Variants in LAMA2 observed in about 807,000 individuals in gnomAD.
LAMA2 encodes laminin subunit alpha-2.
LAMA2 carries 269 observed loss-of-function variants against 364.8 expected under a neutral mutation model. The observed-to-expected ratio is 0.74, with a 90% CI of 0.67 to 0.82. The LOEUF is 0.82. Ranked by LOEUF, LAMA2 falls within the 40% of genes least tolerant of loss-of-function variation. The probability of loss-of-function intolerance (pLI) is 0.00; values close to 1 mark genes in which losing one functional copy is unlikely to be tolerated. For synonymous variants in LAMA2, 1,379 were observed against 1,370.6 expected, an observed-to-expected ratio of 1.01 and a Z score of -0.14; for missense variants, 3,807 against 3,873.2, an observed-to-expected ratio of 0.98 and a Z score of 0.45.
chr6:128,964,549 T>C (rs1404399157), intron 1 of LAMA2, among the ~76,000 whole-genome samples: 1 of 152,086 alleles, frequency 6.6e-6, no homozygotes, highest in African/African-American at 2.4e-5. Context: ...TACTTTCAAA[T>C]GTCAGCACAC....
In LAMA2 at chr6:129,438,713, C is replaced by T. The variant is rs369582534; in HGVS notation, c.6036C>T (p.Leu2012=). Residue 2012 remains leucine (L), a synonymous_variant, in exon 42 of 65, where the codon CTC becomes CTT. Coordinates refer to ENST00000421865, the MANE Select transcript of LAMA2 (RefSeq NM_000426.4). ...ATGCTGATGCTAGAAATGGGGATCTCTTGAGAACTTTGAATGACACTTTGG... is the reference window on the plus strand; with the variant it reads ...ATGCTGATGCTAGAAATGGGGATCTTTTGAGAACTTTGAATGACACTTTGG... ...IENADARNGD[L]LRTLNDTLGK... 6.2e-6 allele frequency: 10 copies of T among 1,609,244 alleles called. No individual in the cohort carries two copies. The highest frequency in any genetic ancestry group is 8.5e-6 in the Non-Finnish European group (10 of 1,175,990).
intron 40 of LAMA2, among the ~76,000 whole-genome samples, chr6:129,424,732 C>T (rs774160802): frequency 9.2e-5 from 14 of 152,004 alleles, no homozygotes; most frequent in Admixed American, 2.0e-4. Context: ...GATGTAGGCA[C>T]ATGCAGCTCT....
intron 12 of LAMA2, among the ~76,000 whole-genome samples, chr6:129,233,890 C>T (rs1466224183): frequency 1.3e-5 from 2 of 152,154 alleles, no homozygotes; most frequent in Non-Finnish European, 2.9e-5. Flanking sequence ...TGAAACTCCG[C>T]TCCAGTAGAG....
rs1784339509 is a variant in LAMA2, at chr6:129,481,389, A to T, written c.7699A>T (p.Ser2567Cys). The change falls in exon 55 of 65, where the codon AGT becomes TGT. Residue 2567 changes from serine (S) to cysteine (C), a missense_variant. Coordinates refer to ENST00000421865, the MANE Select transcript of LAMA2 (RefSeq NM_000426.4). ...KNESGIILLG[S>C]GGTPAPPRRK... ...TGAGTCCGGCATCATTCTTTTGGGAAGTGGAGGGACACCAGCACCACCTAG... is the reference window on the plus strand; with the variant it reads ...TGAGTCCGGCATCATTCTTTTGGGATGTGGAGGGACACCAGCACCACCTAG... 6.2e-7 allele frequency: 1 copy of T among 1,613,896 alleles called. No individual in the cohort carries two copies. Among genetic ancestry groups the T allele is most frequent in the African/African-American group, 1.3e-5 (1 of 74,924 alleles).
intron 22 of LAMA2, among the ~76,000 whole-genome samples, chr6:129,311,161 G>T (rs1469310722): frequency 1.3e-5 from 2 of 150,956 alleles, no homozygotes; most frequent in African/African-American, 2.4e-5. Context: ...TTGCTCTGTC[G>T]CCTAGGCTGG....
intron 1 of LAMA2, among the ~76,000 whole-genome samples, chr6:128,907,882 A>G (rs1033687648): frequency 5.9e-5 from 9 of 152,134 alleles, no homozygotes; most frequent in Non-Finnish European, 8.8e-5. Context: ...TTCTGCATCT[A>G]TTGAGATAAT....
At chr6:129,110,985 A>C (rs968184197) in intron 4 of LAMA2, among the ~76,000 whole-genome samples, 3 of 152,056 alleles carry the variant, frequency 2.0e-5, no homozygotes, top group Non-Finnish European at 2.9e-5. Flanking sequence ...ACAACAAAGG[A>C]TATTGAAGCT....
At chr6:129,205,722 T>G (rs57146140) in intron 12 of LAMA2, among the ~76,000 whole-genome samples, 21,270 of 151,860 alleles carry the variant, frequency 0.14, 2,113 homozygotes, top group African/African-American at 0.28. Flanking sequence ...AAGGTGTATT[T>G]TAAATAAATT....
chr6:129,093,677 T>C (rs1255403672), intron 3 of LAMA2, among the ~76,000 whole-genome samples: 2 of 152,218 alleles, frequency 1.3e-5, no homozygotes, highest in Non-Finnish European at 2.9e-5. Context: ...TCTAATTCAA[T>C]GCTACATCAG....
At chr6:129,199,638 A>C (rs56691264) in intron 12 of LAMA2, among the ~76,000 whole-genome samples, 21,466 of 152,124 alleles carry the variant, frequency 0.14, 2,479 homozygotes, top group African/African-American at 0.32. Context: ...ACTATATGCA[A>C]AATTAATATA....
chr6:129,270,716 A>G lies in LAMA2; in HGVS notation c.2415A>G (p.Gln805=), dbSNP rs147880506. ...EPTKGTSEDC[Q]PCACPLNIPS... is the part of the protein sequence containing the mutation. Reference sequence around the variant, plus strand: ...CTAAAGGAACCTCTGAAGACTGTCAACCCTGTGCCTGTCCACTCAATATCC... The same window carrying G: ...CTAAAGGAACCTCTGAAGACTGTCAGCCCTGTGCCTGTCCACTCAATATCC... The change falls in exon 17 of 65, where the codon CAA becomes CAG. Residue 805 remains glutamine, a synonymous_variant. Coordinates refer to ENST00000421865, the MANE Select transcript of LAMA2 (RefSeq NM_000426.4). 3.3e-5 allele frequency: 53 copies of G among 1,613,242 alleles called. No homozygotes were observed. The African/African-American group carries it at 6.8e-4, about 21-fold the overall frequency.
chr6:129,104,631 C>G (rs1371317202), intron 4 of LAMA2, among the ~76,000 whole-genome samples: 1 of 152,160 alleles, frequency 6.6e-6, no homozygotes, highest in Non-Finnish European at 1.5e-5. Context: ...GCCCTATGTT[C>G]ATATCATCAC....
chr6:129,418,955 C>T (rs1387680984), intron 40 of LAMA2, among the ~76,000 whole-genome samples: 3 of 152,014 alleles, frequency 2.0e-5, no homozygotes, highest in Non-Finnish European at 1.5e-5. Flanking sequence ...ATGGCTAAAT[C>T]GAGGTATTTA....
intron 34 of LAMA2, among the ~76,000 whole-genome samples, chr6:129,370,588 A>G (rs936289063): frequency 2.0e-5 from 3 of 152,272 alleles, no homozygotes; most frequent in African/African-American, 7.2e-5. Context: ...AAAACAACAT[A>G]AAGCCCGCCA....
chr6:128,910,093 G>T (rs1361215651), intron 1 of LAMA2, among the ~76,000 whole-genome samples: 2 of 151,982 alleles, frequency 1.3e-5, no homozygotes, highest in Non-Finnish European at 1.5e-5. Context: ...TTCAACTTTG[G>T]TGAATCTGAC....
intron 3 of LAMA2, among the ~76,000 whole-genome samples, chr6:129,066,427 T>G (rs936202363): frequency 5.3e-5 from 8 of 152,140 alleles, no homozygotes; most frequent in Admixed American, 3.3e-4. Flanking sequence ...AAAACAGTGA[T>G]GAAATAAATT....
chr6:129,050,128 A>T (rs1361340792), intron 2 of LAMA2, 40 bp downstream of exon 2: 8 of 1,605,946 alleles, frequency 5.0e-6, no homozygotes, highest in Non-Finnish European at 8.5e-7. Flanking sequence ...GCTGGGTAGG[A>T]TCTATAATTG....
chr6:128,918,654 A>C (rs1247047981), intron 1 of LAMA2, among the ~76,000 whole-genome samples: 6 of 152,178 alleles, frequency 3.9e-5, no homozygotes, highest in Admixed American at 1.3e-4. Context: ...CCCTTGTAAC[A>C]AATATAATAT....
intron 58 of LAMA2, among the ~76,000 whole-genome samples, chr6:129,495,591 T>G (rs1333961645): frequency 6.6e-6 from 1 of 152,178 alleles, no homozygotes; most frequent in African/African-American, 2.4e-5. Flanking sequence ...ATGGACCTTC[T>G]TCTCTACCAC....
Sources: gnomAD v4.1 joint callset for allele counts (sites outside exome capture counted in the v4.1 genomes callset) on GRCh38, gnomAD v4.1.1 for gene constraint, MANE v1.5 for transcripts, NCBI Gene and HGNC (gene_info 2026-07-23, HGNC 2026-07-21) for gene names.